The following CXADR variants were observed in gnomAD, a reference collection of about 807,000 sequenced individuals.
The protein encoded by CXADR is coxsackievirus and adenovirus receptor.
CXADR carries 20 observed loss-of-function variants against 40.3 expected under a neutral mutation model. That is an observed-to-expected ratio of 0.50 (90% CI 0.35 to 0.72). The LOEUF (loss-of-function observed/expected upper bound fraction) is 0.72, where lower values mean the gene tolerates loss of function less well. Among genes scored for constraint, CXADR ranks in the 30% least tolerant of loss-of-function variants. The probability of loss-of-function intolerance (pLI) is 0.01; values close to 1 mark genes in which losing one functional copy is unlikely to be tolerated. For synonymous variants in CXADR, 150 were observed against 161.3 expected (o/e 0.93, Z 0.53); for missense variants, 332 against 449.1 (o/e 0.74, Z 2.36).
chr21:17,629,200 C>T, the CXADR span, among the ~76,000 whole-genome samples: 1 of 151,594 alleles, frequency 6.6e-6, no homozygotes, highest in Non-Finnish European at 1.5e-5. Context: ...GCCAACATAG[C>T]AAAACCCCAT....
intron 7 of CXADR, among the ~76,000 whole-genome samples, chr21:17,587,231 T>C (rs946988303): frequency 2.6e-5 from 4 of 152,192 alleles, no homozygotes; most frequent in Non-Finnish European, 5.9e-5. Flanking sequence ...CAGCATGATT[T>C]ATAATCCTTT....
At chr21:17,572,542 T>C (rs1476086785), downstream of CXADR, among the ~76,000 whole-genome samples, 1 of 150,478 alleles carries the variant, frequency 6.6e-6, no homozygotes, top group African/African-American at 2.4e-5. Flanking sequence ...TTCAGAAATA[T>C]ATTTCTAAAG....
intron 1 of CXADR, among the ~76,000 whole-genome samples, chr21:17,529,592 AT>A (rs1464605906): frequency 6.6e-6 from 1 of 152,224 alleles, no homozygotes; most frequent in Non-Finnish European, 1.5e-5. Context: ...AAGTGCTAGG[AT>A]TACAGGTGTG....
At chr21:17,630,250 C>T in the CXADR span, among the ~76,000 whole-genome samples, 1 of 152,048 alleles carries the variant, frequency 6.6e-6, no homozygotes, top group Non-Finnish European at 1.5e-5. Context: ...TTAAACATAT[C>T]CAAAAATAGA....
chr21:17,593,944 G>C, downstream of CXADR: 2 of 1,000,738 alleles, frequency 2.0e-6, no homozygotes, highest in South Asian at 4.0e-5. Flanking sequence ...TTTTAAGAAA[G>C]ATTATTCTCA....
At chr21:17,625,188 C>T in the CXADR span, among the ~76,000 whole-genome samples, 1 of 151,820 alleles carries the variant, frequency 6.6e-6, no homozygotes, top group African/African-American at 2.4e-5. Flanking sequence ...TGGGCAAAAA[C>T]ATGAGTCCAC....
Position 17,566,126 on chromosome 21 carries a change from C to T in CXADR, c.*434C>T. On this transcript the variant is annotated 3_prime_UTR_variant, in exon 7 of 7. Coordinates refer to ENST00000284878, the MANE Select transcript of CXADR (RefSeq NM_001338.5). Reference sequence around the variant, plus strand: ...TCATTTATTTATGGCCCACCAGTCTCCCCCAAATTAGTACAGAAATATCCA... The same window carrying T: ...TCATTTATTTATGGCCCACCAGTCTTCCCCAAATTAGTACAGAAATATCCA... 1 of 984,050 alleles carries T rather than the reference C, an allele frequency of 1.0e-6. No homozygotes were observed. Among genetic ancestry groups the T allele is most frequent in the South Asian group, 4.7e-5 (1 of 21,262 alleles). 61.0% of individuals were successfully genotyped at this position (984,050 alleles called of 1,614,324 possible).
In CXADR at chr21:17,546,605, C is replaced by A. The variant is rs137933641; in HGVS notation, c.44-422C>A. 2.6e-3 allele frequency among the ~76,000 whole-genome samples: 394 copies of A among 152,298 alleles called. 2 individuals carry two copies. The highest frequency in any genetic ancestry group is 5.4e-3 in the Admixed American group (83 of 15,306). On this transcript the variant is annotated intron_variant, in intron 1 of 6. Transcript: ENST00000284878. ...CAAGGGGGAAATCCACCCCCATGAT[C>A]CAGTCACCTCCCACCAGGCCTCTCT...
At chr21:17,514,500 T>C (rs2060433564) in intron 1 of CXADR, among the ~76,000 whole-genome samples, 2 of 151,954 alleles carry the variant, frequency 1.3e-5, no homozygotes, top group Non-Finnish European at 2.9e-5. Context: ...CTTTCTTTCT[T>C]TTTTTTCTTT....
At chr21:17,607,728 C>T in the CXADR span, among the ~76,000 whole-genome samples, 1 of 152,196 alleles carries the variant, frequency 6.6e-6, no homozygotes, top group East Asian at 1.9e-4. Flanking sequence ...CATCAATATA[C>T]ACAAATAAAA....
At chr21:17,550,827 G>A (rs545452303) in intron 2 of CXADR, among the ~76,000 whole-genome samples, 6 of 152,314 alleles carry the variant, frequency 3.9e-5, no homozygotes, top group Non-Finnish European at 7.3e-5. Context: ...CAGTGGGTTA[G>A]GCACAGGTCT....
At chr21:17,622,478 C>T in the CXADR span, among the ~76,000 whole-genome samples, 1 of 151,984 alleles carries the variant, frequency 6.6e-6, no homozygotes, top group Non-Finnish European at 1.5e-5. Context: ...CATGTCTATA[C>T]CTATATATAA....
At chr21:17,581,731 G>C (rs1433900743) in intron 7 of CXADR, among the ~76,000 whole-genome samples, 1 of 151,826 alleles carries the variant, frequency 6.6e-6, no homozygotes, top group Non-Finnish European at 1.5e-5. Context: ...TGTAGTCCCA[G>C]CTACTCAGGA....
At position 17,565,677 on chromosome 21, in the gene CXADR, T is replaced by A. The variant is rs760265761; in HGVS notation, c.1083T>A (p.Asp361Glu). The change falls in exon 7 of 7, where the codon GAT (aspartate) becomes GAA (glutamate). Residue 361 changes from aspartate (D) to glutamate (E), a missense_variant. Asp to Glu is a conservative substitution (Grantham distance 45). Transcript: ENST00000284878. ...IPVMIPAQSKDGSIV is the reference protein window; with the variant it reads ...IPVMIPAQSKEGSIV The stretch of plus-strand genomic sequence containing the variant: ...TGATGATTCCAGCACAGAGCAAGGA[T>A]GGGTCTATAGTATAGAGCCTCCATA... The A allele has an allele frequency of 2.5e-6, 4 of 1,611,872 alleles. No homozygotes were observed. Among genetic ancestry groups the A allele is most frequent in the Non-Finnish European group, 3.4e-6 (4 of 1,179,838 alleles).
downstream of CXADR, chr21:17,593,617 T>C (rs2061463852): frequency 6.2e-6 from 1 of 161,506 alleles, no homozygotes; most frequent in African/African-American, 2.4e-5. Context: ...TACCCGTTCT[T>C]TTCCCCTTTT....
intron 7 of CXADR, among the ~76,000 whole-genome samples, chr21:17,588,629 A>G (rs2061414157): frequency 6.6e-6 from 1 of 152,168 alleles, no homozygotes; most frequent in Admixed American, 6.5e-5. Flanking sequence ...ACTTCTGTAT[A>G]TAAATGTTTC....
chr21:17,616,112 G>A, the CXADR span, among the ~76,000 whole-genome samples: 1 of 151,868 alleles, frequency 6.6e-6, no homozygotes, highest in Non-Finnish European at 1.5e-5. Context: ...TTAGCCAGGT[G>A]TGGTGGCATG....
At chr21:17,636,197 A>C in the CXADR span, among the ~76,000 whole-genome samples, 1 of 152,174 alleles carries the variant, frequency 6.6e-6, no homozygotes, top group Non-Finnish European at 1.5e-5. Context: ...CAGATTCTTT[A>C]GGGTTTTTTG....
chr21:17,539,436 GTCTCATA>G (rs2060799809), intron 1 of CXADR, among the ~76,000 whole-genome samples: 1 of 152,062 alleles, frequency 6.6e-6, no homozygotes, highest in African/African-American at 2.4e-5. Flanking sequence ...GAATTTTCTT[GTCTCATA>G]TCCTCATTTT....
Sources: gnomAD v4.1 joint callset for allele counts (sites outside exome capture counted in the v4.1 genomes callset) on GRCh38, gnomAD v4.1.1 for gene constraint, MANE v1.5 for transcripts, NCBI Gene and HGNC (gene_info 2026-07-23, HGNC 2026-07-21) for gene names.